The following GRB10 variants were observed in gnomAD, a reference collection of about 807,000 sequenced individuals.
GRB10 encodes growth factor receptor bound protein 10, also known as growth factor receptor-bound protein 10.
In GRB10, 20 loss-of-function variants were observed where a neutral mutation model predicts 80.9. The ratio of observed to expected loss-of-function variants is 0.25; its 90% CI spans 0.17 to 0.36. GRB10 has a LOEUF of 0.36. GRB10 is among the 10% of genes least tolerant of loss of function. GRB10 has a pLI of 1.00. For synonymous variants in GRB10, 291 were observed against 291.5 expected (o/e 1.00, Z 0.02); for missense variants, 548 against 747.7 (o/e 0.73, Z 3.12).
chr7:50,765,837 T>C (rs1327037476), intron 2 of GRB10, among the ~76,000 whole-genome samples: 1 of 152,226 alleles, frequency 6.6e-6, no homozygotes, highest in African/African-American at 2.4e-5. Context: ...AGAATTTGAA[T>C]GTTTCTAAAG....
intron 7 of GRB10, among the ~76,000 whole-genome samples, chr7:50,646,102 C>T (rs1353963782): frequency 3.3e-5 from 5 of 152,188 alleles, no homozygotes; most frequent in South Asian, 2.1e-4. Context: ...GACCCATGCA[C>T]GAGAATGTTC....
At chr7:50,674,795 C>T in intron 5 of GRB10, 137 bp from the exon 6 acceptor site, 1 of 731,382 alleles carries the variant, frequency 1.4e-6, no homozygotes, top group Non-Finnish European at 2.4e-6. Context: ...AGGGGAAACA[C>T]CAAGACAAGT....
At chr7:50,640,470 G>C (rs941112708) in intron 7 of GRB10, among the ~76,000 whole-genome samples, 1 of 152,228 alleles carries the variant, frequency 6.6e-6, no homozygotes. Context: ...GCAAGGCCAA[G>C]CATTTAGTCC....
At chr7:50,720,347 T>C (rs1402267548) in intron 4 of GRB10, among the ~76,000 whole-genome samples, 1 of 152,166 alleles carries the variant, frequency 6.6e-6, no homozygotes, top group Non-Finnish European at 1.5e-5. Context: ...CACACATAAA[T>C]ATTTAACAGG....
intron 4 of GRB10, among the ~76,000 whole-genome samples, chr7:50,724,827 C>T (rs1170603102): frequency 6.6e-6 from 1 of 152,168 alleles, no homozygotes; most frequent in Non-Finnish European, 1.5e-5. Context: ...TTACAGGAGG[C>T]CCATCTTCTG....
intron 7 of GRB10, chr7:50,645,432 G>A (rs564976315): frequency 1.3e-4 from 24 of 189,162 alleles, no homozygotes; most frequent in Non-Finnish European, 2.1e-4. Flanking sequence ...AGCCATCTGG[G>A]GAGTATGTCT....
At chr7:50,769,663 C>T (rs778064735) in intron 2 of GRB10, among the ~76,000 whole-genome samples, 10 of 152,114 alleles carry the variant, frequency 6.6e-5, no homozygotes, top group Non-Finnish European at 1.2e-4. Context: ...CTCACAGGGC[C>T]TCTGACAGGG....
At chr7:50,769,217 A>G (rs1410204691) in intron 2 of GRB10, among the ~76,000 whole-genome samples, 1 of 152,214 alleles carries the variant, frequency 6.6e-6, no homozygotes, top group Non-Finnish European at 1.5e-5. Flanking sequence ...AGCCATTGAA[A>G]GAGTCACAAC....
chr7:50,725,618 T>C (rs1461927761), intron 4 of GRB10, among the ~76,000 whole-genome samples: 1 of 152,192 alleles, frequency 6.6e-6, no homozygotes, highest in Non-Finnish European at 1.5e-5. Flanking sequence ...TCTGGGCAGA[T>C]AGATGGCAAA....
chr7:50,668,571 T>A (rs1410651469), intron 7 of GRB10, among the ~76,000 whole-genome samples: 1 of 152,170 alleles, frequency 6.6e-6, no homozygotes, highest in African/African-American at 2.4e-5. Context: ...ACTTAATTCA[T>A]ACGGGATGGC....
chr7:50,650,392 G>A (rs1357113349), intron 7 of GRB10, among the ~76,000 whole-genome samples: 2 of 152,090 alleles, frequency 1.3e-5, no homozygotes, highest in African/African-American at 2.4e-5. Flanking sequence ...TGGGAGGTCT[G>A]CAGAAAAGCA....
chr7:50,592,579 G>A lies in GRB10; in HGVS notation c.*373C>T, dbSNP rs1434356439. 3 of 306,106 alleles carry A rather than the reference G, an allele frequency of 9.8e-6. No homozygotes were observed. The highest frequency in any genetic ancestry group is 2.1e-5 in the African/African-American group (1 of 46,724). The allele number at this position is 306,106 out of a possible 1,614,324, so 19.0% of individuals were successfully genotyped here. On this transcript the variant is annotated 3_prime_UTR_variant, in exon 19 of 19. Coordinates refer to ENST00000401949, the MANE Select transcript of GRB10 (RefSeq NM_001350814.2). ...CAAAAAAGTGATCAATACAAAAAAA[G>A]TAAACATATCAGTTTTAATTGTCAA...
intron 3 of GRB10, among the ~76,000 whole-genome samples, chr7:50,753,917 G>A (rs917581622): frequency 6.6e-6 from 1 of 152,206 alleles, no homozygotes; most frequent in Non-Finnish European, 1.5e-5. Flanking sequence ...GGTGAGAGAT[G>A]GCTTTTTGCC....
At chr7:50,711,051 C>T in intron 4 of GRB10, 4 of 727,116 alleles carry the variant, frequency 5.5e-6, no homozygotes, top group Non-Finnish European at 5.0e-6. Flanking sequence ...AGACCAATGC[C>T]ACAGAGAGCA....
intron 7 of GRB10, among the ~76,000 whole-genome samples, chr7:50,648,073 C>G (rs943587331): frequency 1.3e-5 from 2 of 152,042 alleles, no homozygotes; most frequent in South Asian, 2.1e-4. Context: ...GAATGTAAAC[C>G]GGGGAGTAAT....
At chr7:50,628,358 G>C (rs913651189) in intron 7 of GRB10, among the ~76,000 whole-genome samples, 3 of 152,192 alleles carry the variant, frequency 2.0e-5, no homozygotes, top group African/African-American at 7.2e-5. Context: ...GTTTGGAAGG[G>C]GGTGCTTACT....
rs891089348 is a variant in GRB10, at chr7:50,782,043, T to C, written c.-327+381A>G. Among the ~76,000 whole-genome samples, 2 of 152,136 alleles carry C rather than the reference T, an allele frequency of 1.3e-5. No homozygotes were observed. The highest frequency in any genetic ancestry group is 4.8e-5 in the African/African-American group (2 of 41,426). The stretch of plus-strand genomic sequence containing the variant: ...CAGTAGCCCGGATGCCCAGATCCAC[T>C]CATTTCCCAAACCGGTTCCCACACC... On this transcript the variant is annotated intron_variant, in intron 1 of 18. Coordinates refer to ENST00000401949, the MANE Select transcript of GRB10 (RefSeq NM_001350814.2). This position sits in a 1 kb window ranked among gnomAD's most constrained non-coding sequence, Gnocchi z 6.6.
intron 4 of GRB10, among the ~76,000 whole-genome samples, chr7:50,713,609 T>C (rs2066281214): frequency 1.1e-4 from 9 of 81,046 alleles, no homozygotes; most frequent in East Asian, 4.4e-4. Flanking sequence ...ATCTCCACCA[T>C]CACCTCCACC....
chr7:50,691,951 T>C (rs920701566), intron 5 of GRB10, among the ~76,000 whole-genome samples: 4 of 152,142 alleles, frequency 2.6e-5, no homozygotes, highest in Admixed American at 6.6e-5. Context: ...CATGAGAAAA[T>C]GATACTAACA....
Sources: allele counts gnomAD v4.1 joint callset (sites outside exome capture counted in the v4.1 genomes callset), GRCh38; gene constraint gnomAD v4.1.1; non-coding constraint Gnocchi (gnomAD v3.1); transcripts MANE v1.5; gene names NCBI Gene and HGNC (gene_info 2026-07-23, HGNC 2026-07-21).